The following GRM8 variants were observed in gnomAD, a reference collection of about 807,000 sequenced individuals.
GRM8 encodes glutamate metabotropic receptor 8, also known as metabotropic glutamate receptor 8.
Under a neutral mutation model 87.2 loss-of-function variants are expected in GRM8, and 47 were observed. The ratio of observed to expected loss-of-function variants is 0.54; its 90% CI spans 0.43 to 0.69. The LOEUF is 0.69. GRM8 is among the 30% of genes least tolerant of loss of function. The pLI, the probability that GRM8 is intolerant of heterozygous loss-of-function variation, is 0.00. For missense variants in GRM8, 1,019 were observed against 1,139.2 expected, an observed-to-expected ratio of 0.89 and a Z score of 1.52; for synonymous variants, 396 against 404.5, an observed-to-expected ratio of 0.98 and a Z score of 0.25.
chr7:126,860,659 T>A (rs987920274), intron 6 of GRM8, among the ~76,000 whole-genome samples: 1 of 152,166 alleles, frequency 6.6e-6, no homozygotes, highest in African/African-American at 2.4e-5. Flanking sequence ...AGATATTAAC[T>A]CCAATTCTTT....
intron 3 of GRM8, among the ~76,000 whole-genome samples, chr7:126,931,151 G>A (rs1805723999): frequency 6.6e-6 from 1 of 152,162 alleles, no homozygotes; most frequent in Admixed American, 6.5e-5. Context: ...TAATTTTCAG[G>A]AGTAATGGGA....
intron 8 of GRM8, among the ~76,000 whole-genome samples, chr7:126,543,164 C>T (rs1816738231): frequency 6.6e-6 from 1 of 152,124 alleles, no homozygotes; most frequent in Admixed American, 6.5e-5. Flanking sequence ...TAGTGTTCTT[C>T]CATGGACTTT....
chr7:126,834,177 C>T (rs560457814), intron 6 of GRM8, among the ~76,000 whole-genome samples: 2 of 152,298 alleles, frequency 1.3e-5, no homozygotes, highest in African/African-American at 4.8e-5. Context: ...AATTCCCATC[C>T]TCTCCCCCAT....
intron 6 of GRM8, among the ~76,000 whole-genome samples, chr7:126,775,570 A>G (rs540057588): frequency 1.9e-4 from 29 of 150,626 alleles, no homozygotes; most frequent in African/African-American, 6.9e-4. Flanking sequence ...TAGAAATACA[A>G]GCATGTTCAA....
chr7:126,592,591 GATAAAAACTCTCAACAATTAGGT>G (rs1003512891), intron 8 of GRM8, among the ~76,000 whole-genome samples: 8 of 151,834 alleles, frequency 5.3e-5, no homozygotes, highest in East Asian at 1.9e-4. Context: ...ATACTTTCAT[GATAAAAACTCTCAACAATTAGGT>G]ATAAAAACTC....
chr7:126,459,083 A>T (rs995499409), intron 9 of GRM8, among the ~76,000 whole-genome samples: 1 of 151,342 alleles, frequency 6.6e-6, no homozygotes, highest in African/African-American at 2.4e-5. Context: ...AAGACAGAAA[A>T]CTATAGTACT....
chr7:126,553,898 T>C (rs1011045984), intron 8 of GRM8, among the ~76,000 whole-genome samples: 10 of 152,186 alleles, frequency 6.6e-5, no homozygotes, highest in African/African-American at 2.4e-4. Context: ...GGATTTCCAG[T>C]GGCAGGGCAG....
At chr7:126,640,995 CTAT>C (rs1585327233) in intron 7 of GRM8, among the ~76,000 whole-genome samples, 1 of 151,990 alleles carries the variant, frequency 6.6e-6, no homozygotes, top group Non-Finnish European at 1.5e-5. Context: ...ATATATTCTA[CTAT>C]TATTAGCACT....
chr7:126,541,490 AG>A (rs2150895945), intron 8 of GRM8, among the ~76,000 whole-genome samples: 1 of 152,256 alleles, frequency 6.6e-6, no homozygotes, highest in African/African-American at 2.4e-5. Context: ...GCCATCCTGA[AG>A]GTAGTTGGGA....
At chr7:126,642,731 T>C (rs1802541910) in intron 7 of GRM8, among the ~76,000 whole-genome samples, 1 of 151,690 alleles carries the variant, frequency 6.6e-6, no homozygotes, top group East Asian at 1.9e-4. Flanking sequence ...AGAGATAGAG[T>C]TGAAGAAAGC....
At chr7:126,617,573 G>A (rs1454873652) in intron 7 of GRM8, among the ~76,000 whole-genome samples, 1 of 152,166 alleles carries the variant, frequency 6.6e-6, no homozygotes, top group Non-Finnish European at 1.5e-5. Flanking sequence ...ATTAGGAAAA[G>A]AGGAAGTCAA....
intron 3 of GRM8, among the ~76,000 whole-genome samples, chr7:127,074,902 T>G (rs1049685469): frequency 3.3e-5 from 5 of 152,194 alleles, no homozygotes; most frequent in African/African-American, 1.2e-4. Flanking sequence ...AAACTTTGGA[T>G]TTTAAGATGC....
chr7:126,566,105 C>G (rs577287591), intron 8 of GRM8, among the ~76,000 whole-genome samples: 2 of 152,168 alleles, frequency 1.3e-5, no homozygotes, highest in African/African-American at 4.8e-5. Context: ...AGGAGAAAAT[C>G]TCCATGACAT....
chr7:126,907,167 CAAGGAGGAGGAAATGG>C (rs966292204), intron 3 of GRM8, among the ~76,000 whole-genome samples: 22 of 143,048 alleles, frequency 1.5e-4, no homozygotes, highest in African/African-American at 5.7e-4. Context: ...AGGAGAAAGA[CAAGGAGGAGGAAATGG>C]AAGGAGGAGG....
rs200649077 is a variant in GRM8 at position 127,059,198 on chromosome 7, G to GA, written c.727+47297dup. 6.6e-3 allele frequency among the ~76,000 whole-genome samples: 998 copies of GA among 151,644 alleles called. 8 individuals carry two copies. Among genetic ancestry groups the GA allele is most frequent in the African/African-American group, 0.022 (914 of 41,336 alleles). ...TCTTGAAAAATGAATAGGCAGAGAA[G>GA]AAAAAAATTCCACATTCAAATGCAA... On this transcript the variant is annotated intron_variant, in intron 3 of 10. Coordinates refer to ENST00000339582, the MANE Select transcript of GRM8 (RefSeq NM_000845.3).
At chr7:126,989,016 T>C (rs912721902) in intron 3 of GRM8, among the ~76,000 whole-genome samples, 2 of 152,194 alleles carry the variant, frequency 1.3e-5, no homozygotes, top group Non-Finnish European at 2.9e-5. Context: ...TATATGATTG[T>C]TTGAATGAAA....
At chr7:127,006,049 T>A (rs183859472) in intron 3 of GRM8, among the ~76,000 whole-genome samples, 76 of 151,926 alleles carry the variant, frequency 5.0e-4, no homozygotes, top group Non-Finnish European at 8.0e-4. Context: ...CCACCGTCCT[T>A]CACTCTCATA....
chr7:126,922,987 A>G (rs143999327), intron 3 of GRM8, among the ~76,000 whole-genome samples: 2,642 of 152,132 alleles, frequency 0.017, 71 homozygotes, highest in African/African-American at 0.06. Context: ...AGCCAATTAA[A>G]CCTCTTGTCT....
chr7:126,621,754 A>T (rs185050283), intron 7 of GRM8, among the ~76,000 whole-genome samples: 4 of 152,080 alleles, frequency 2.6e-5, no homozygotes, highest in Admixed American at 2.6e-4. Context: ...TCATTCACGC[A>T]TCTTGACACA....
Sources: allele counts gnomAD v4.1 joint callset (sites outside exome capture counted in the v4.1 genomes callset), GRCh38; gene constraint gnomAD v4.1.1; transcripts MANE v1.5; gene names NCBI Gene and HGNC (gene_info 2026-07-23, HGNC 2026-07-21).